The following CDC25C variants were observed in gnomAD, a reference collection of about 807,000 sequenced individuals.
CDC25C encodes the protein cell division cycle 25C, also known as M-phase inducer phosphatase 3.
Under a neutral mutation model 52.5 loss-of-function variants are expected in CDC25C, and 48 were observed. That is an observed-to-expected ratio of 0.91 (90% CI 0.72 to 1.16). The LOEUF (loss-of-function observed/expected upper bound fraction) is 1.16. Ranked by LOEUF, CDC25C falls within the 50% of genes most tolerant of loss-of-function variation. The probability of loss-of-function intolerance (pLI) is 0.00; values close to 1 mark genes in which losing one functional copy is unlikely to be tolerated. For synonymous variants in CDC25C, 187 were observed against 206.5 expected (o/e 0.91, Z 0.81); for missense variants, 510 against 566.1 (o/e 0.90, Z 1.01).
intron 7 of CDC25C, among the ~76,000 whole-genome samples, chr5:138,293,889 C>T (rs1282576277): frequency 6.6e-6 from 1 of 152,088 alleles, no homozygotes; most frequent in African/African-American, 2.4e-5. Flanking sequence ...TTAAGTGATC[C>T]ATCCGCCTTG....
chr5:138,296,048 G>C (rs781221359), intron 7 of CDC25C, among the ~76,000 whole-genome samples: 1 of 152,056 alleles, frequency 6.6e-6, no homozygotes, highest in Non-Finnish European at 1.5e-5. Context: ...ACATAAGCCA[G>C]CCCGGCTTCT....
intron 8 of CDC25C, 92 bp from the exon 9 acceptor site, chr5:138,290,832 G>A (rs1756646071): frequency 2.6e-6 from 2 of 784,266 alleles, no homozygotes; most frequent in Admixed American, 1.9e-5. Context: ...GCGCACATCT[G>A]TAATCCTAGC....
intron 9 of CDC25C, 133 bp from the exon 10 acceptor site, chr5:138,289,696 T>C (rs1007010068): frequency 4.5e-6 from 3 of 659,624 alleles, no homozygotes; most frequent in East Asian, 5.4e-5. Flanking sequence ...AGTGTCTCTA[T>C]AAAGTGCATA....
In CDC25C at chr5:138,327,867, CT is replaced by C. The variant is rs775143862; in HGVS notation, c.335+616del. 2.7e-3 allele frequency among the ~76,000 whole-genome samples: 390 copies of C among 142,382 alleles called. 1 individual carries two copies. Among genetic ancestry groups the C allele is most frequent in the African/African-American group, 5.4e-3 (211 of 39,118 alleles). 93.4% of individuals were successfully genotyped at this position (142,382 alleles called of 152,430 possible). ...TTCCAGAGCTTATACTCTGTACTTT[CT>C]TTTTTTTTTTTTTTCTGAGACGGAG... On this transcript the variant is annotated intron_variant, in intron 4 of 13. Coordinates refer to ENST00000323760, the MANE Select transcript of CDC25C (RefSeq NM_001790.5).
chr5:138,329,556 T>C lies in CDC25C; in HGVS notation c.286A>G (p.Thr96Ala). 6.3e-7 allele frequency: 1 copy of C among 1,597,338 alleles called. No individual in the cohort carries two copies. Among genetic ancestry groups the C allele is most frequent in the South Asian group, 1.1e-5 (1 of 90,610 alleles). Residue 96 changes from threonine (T) to alanine (A), a missense_variant, in exon 3 of 14, where the codon ACT (threonine) becomes GCT (alanine). Coordinates refer to ENST00000323760, the MANE Select transcript of CDC25C (RefSeq NM_001790.5). ...CCTTTATCTCCCTTCTCCCTACCAG[T>C]TTCATCAAGGTCTGCAGAAGTGGTA... ...QLTTSADLDE[T>A]GHLDSSGLQE...
At chr5:138,288,115 G>A (rs1756404131) in intron 10 of CDC25C, among the ~76,000 whole-genome samples, 1 of 151,692 alleles carries the variant, frequency 6.6e-6, no homozygotes, top group Non-Finnish European at 1.5e-5. Context: ...CGCCCTTGTT[G>A]CCCAGGCTGG....
chr5:138,325,649 C>G (rs747966190), intron 6 of CDC25C, among the ~76,000 whole-genome samples, 166 bp downstream of exon 6: 10 of 152,192 alleles, frequency 6.6e-5, no homozygotes, highest in Admixed American at 2.0e-4. Context: ...TAGGGCCAAA[C>G]TTTAATAAGA....
chr5:138,286,739 G>A, intron 11 of CDC25C, 109 bp from the exon 12 acceptor site: 1 of 1,000,166 alleles, frequency 1.0e-6, no homozygotes, highest in Non-Finnish European at 1.5e-6. Context: ...AGAAAAGCTG[G>A]ACTATAAGCA....
chr5:138,317,459 C>T (rs1758966912), intron 7 of CDC25C, among the ~76,000 whole-genome samples: 1 of 151,966 alleles, frequency 6.6e-6, no homozygotes, highest in African/African-American at 2.4e-5. Flanking sequence ...GTGTGTGAAT[C>T]ACTTGAGTCC....
At position 138,290,560 on chromosome 5, in the gene CDC25C, C is replaced by G. The variant is rs145386603; in HGVS notation, c.864+79G>C. 9.9e-4 allele frequency: 815 copies of G among 821,916 alleles called. 5 individuals are homozygous for G. In the East Asian group the frequency reaches 0.013, roughly 14 times the overall value. The allele number at this position is 821,916 out of a possible 1,614,324, so 50.9% of individuals were successfully genotyped here. Reference sequence around the variant, plus strand: ...TACTTGGTGAGGATGCATATTTACACCAGGCATTCTCGGCAAACAGAGAAG... The same window carrying G: ...TACTTGGTGAGGATGCATATTTACAGCAGGCATTCTCGGCAAACAGAGAAG... On this transcript the variant is annotated intron_variant, in intron 9 of 13. Coordinates refer to ENST00000323760, the MANE Select transcript of CDC25C (RefSeq NM_001790.5).
chr5:138,290,824 G>A (rs11567994), intron 8 of CDC25C, 84 bp from the exon 9 acceptor site: 98 of 826,888 alleles, frequency 1.2e-4, no homozygotes, highest in African/African-American at 4.7e-4. Flanking sequence ...CCATGGTGGC[G>A]CACATCTGTA....
At chr5:138,297,750 A>G (rs1007591868) in intron 7 of CDC25C, among the ~76,000 whole-genome samples, 2 of 152,250 alleles carry the variant, frequency 1.3e-5, no homozygotes, top group Non-Finnish European at 2.9e-5. Context: ...ACTAATAAAT[A>G]TACTCTGTAC....
At chr5:138,300,949 T>A (rs1287331203) in intron 7 of CDC25C, among the ~76,000 whole-genome samples, 1 of 152,158 alleles carries the variant, frequency 6.6e-6, no homozygotes, top group African/African-American at 2.4e-5. Flanking sequence ...TTGGAAAGTA[T>A]TTTGAACTGA....
At chr5:138,289,162 T>C (rs1277842340) in intron 10 of CDC25C, among the ~76,000 whole-genome samples, 1 of 152,134 alleles carries the variant, frequency 6.6e-6, no homozygotes, top group Non-Finnish European at 1.5e-5. Context: ...AGATGGGGTT[T>C]CGCCATGTTG....
At chr5:138,331,946 G>A (rs750118638), upstream of CDC25C, 98 of 970,650 alleles carry the variant, frequency 1.0e-4, no homozygotes, top group Non-Finnish European at 1.1e-4. Context: ...GATCACCTGG[G>A]GGCGTGTGCT....
At chr5:138,304,198 T>C (rs537589682) in intron 7 of CDC25C, among the ~76,000 whole-genome samples, 1 of 152,264 alleles carries the variant, frequency 6.6e-6, no homozygotes, top group East Asian at 1.9e-4. Context: ...AGACAGGGTC[T>C]TGCTCTGTTG....
intron 10 of CDC25C, among the ~76,000 whole-genome samples, chr5:138,288,591 G>A (rs966790377): frequency 1.3e-5 from 2 of 152,118 alleles, no homozygotes; most frequent in Admixed American, 6.5e-5. Flanking sequence ...AGCTACTTGG[G>A]AGGCTGAGGC....
At chr5:138,288,933 T>C (rs1428590479) in intron 10 of CDC25C, among the ~76,000 whole-genome samples, 1 of 151,288 alleles carries the variant, frequency 6.6e-6, no homozygotes, top group Non-Finnish European at 1.5e-5. Flanking sequence ...TTGTGTGTGA[T>C]TTTTTATTTT....
intron 7 of CDC25C, among the ~76,000 whole-genome samples, chr5:138,306,259 A>T (rs970930485): frequency 6.6e-6 from 1 of 152,032 alleles, no homozygotes; most frequent in East Asian, 1.9e-4. Context: ...CTTGAAAAAA[A>T]TTTTTGTTGT....
Sources: allele counts gnomAD v4.1 joint callset (sites outside exome capture counted in the v4.1 genomes callset), GRCh38; gene constraint gnomAD v4.1.1; transcripts MANE v1.5; gene names NCBI Gene and HGNC (gene_info 2026-07-23, HGNC 2026-07-21).